Variants in SLC6A8 observed in about 807,000 individuals in gnomAD.
SLC6A8 encodes sodium- and chloride-dependent creatine transporter 1.
Under a neutral mutation model 48.3 loss-of-function variants are expected in SLC6A8, and 6 were observed. The observed-to-expected ratio is 0.12, with a 90% CI of 0.07 to 0.25. The LOEUF (loss-of-function observed/expected upper bound fraction) is 0.25. Among genes scored for constraint, SLC6A8 ranks in the 10% least tolerant of loss-of-function variants. The pLI, the probability that SLC6A8 is intolerant of heterozygous loss-of-function variation, is 1.00. For synonymous variants in SLC6A8, 245 were observed against 244.0 expected (o/e 1.00, Z -0.04); for missense variants, 260 against 551.5 (o/e 0.47, Z 5.29).
rs2091491685 is a variant in SLC6A8 at position 153,696,303 on chromosome X, C to G, written c.*1089C>G. On this transcript the variant is annotated 3_prime_UTR_variant, in exon 13 of 13. Coordinates refer to ENST00000253122, the MANE Select transcript of SLC6A8 (RefSeq NM_005629.4). ...ACCTGGCCTGCTCAGGCTTCCCACC[C>G]TGTGCGGGGCACACCCCCAGGAAGG... 3.1e-6 allele frequency: 1 copy of G among 323,816 alleles called. No homozygotes were observed. 26.7% of individuals were successfully genotyped at this position (323,816 alleles called of 1,213,427 possible).
chrX:153,692,399 C>T (rs1557044663), intron 4 of SLC6A8: 2 of 396,518 alleles, frequency 5.0e-6, no homozygotes, highest in African/African-American at 2.5e-5. Flanking sequence ...CTGGTCTGGC[C>T]ATCTGTTACC....
At chrX:153,692,942 C>T (rs782597143) in intron 4 of SLC6A8, 99 bp from the exon 5 acceptor site, 1 of 1,051,877 alleles carries the variant, frequency 9.5e-7, no homozygotes, top group African/African-American at 1.8e-5. Context: ...CAATGGGGAC[C>T]TCTGAACATA....
chrX:153,692,968 G>C (rs782406113), intron 4 of SLC6A8, 73 bp from the exon 5 acceptor site: 127 of 1,163,464 alleles, frequency 1.1e-4, no homozygotes, highest in Non-Finnish European at 1.4e-4. Context: ...CCGCAAGGGG[G>C]ACCGGAGGCG....
At chrX:153,693,622 C>T (rs782332974) in intron 7 of SLC6A8, 36 bp downstream of exon 7, 6 of 1,189,212 alleles carry the variant, frequency 5.0e-6, no homozygotes, top group South Asian at 3.5e-5. Flanking sequence ...TCCAGAGCAG[C>T]GAGTGCTACC....
Position 153,694,121 on chromosome X carries a change from T to C in SLC6A8, c.1255-9T>C. On this transcript the variant is annotated splice_polypyrimidine_tract_variant and intron_variant, in intron 8 of 12. Transcript: ENST00000253122. Reference sequence around the variant, plus strand: ...GTGCGGGGCTCGGCCTGAGCTGCCCTGGCCACAGTTTGTAGGTGTGGAGGG... The same window carrying C: ...GTGCGGGGCTCGGCCTGAGCTGCCCCGGCCACAGTTTGTAGGTGTGGAGGG... 1.7e-6 allele frequency: 2 copies of C among 1,210,438 alleles called. No individual in the cohort carries two copies. Among genetic ancestry groups the C allele is most frequent in the Non-Finnish European group, 2.2e-6 (2 of 894,558 alleles).
rs2091490091 is a variant in SLC6A8, at chrX:153,696,101, C to T, written c.*887C>T. On this transcript the variant is annotated 3_prime_UTR_variant, in exon 13 of 13. Transcript: ENST00000253122. ...CTAACTTTCATAGGCAAAACAAAAG[C>T]TTCGAGCTGTTGCGTGTGTGAGTCT... 1 of 193,697 alleles carries T rather than the reference C, an allele frequency of 5.2e-6. No homozygotes were observed. Among genetic ancestry groups the T allele is most frequent in the African/African-American group, 3.0e-5 (1 of 33,347 alleles). 16.0% of individuals were successfully genotyped at this position (193,697 alleles called of 1,213,427 possible). A position where few individuals can be genotyped will look rare whatever the true frequency, so the allele number is the denominator to read the frequency against.
chrX:153,690,797 C>T (rs1424514112), intron 2 of SLC6A8: 3 of 336,591 alleles, frequency 8.9e-6, no homozygotes, highest in Non-Finnish European at 1.6e-5. Flanking sequence ...CTGTTACTAT[C>T]CCCAAGGACG....
intron 2 of SLC6A8, 76 bp downstream of exon 2, chrX:153,690,582 C>T (rs1294116269): frequency 3.9e-5 from 42 of 1,068,500 alleles, no homozygotes; most frequent in African/African-American, 5.6e-5. Context: ...CTTTTCCTGT[C>T]GTGAGCACCA....
At chrX:153,694,687 G>A in intron 11 of SLC6A8, 32 bp from the exon 12 acceptor site, 2 of 1,209,193 alleles carry the variant, frequency 1.7e-6, no homozygotes, top group Non-Finnish European at 2.2e-6. Context: ...GCGGGGTAGG[G>A]GCCCCATTAA....
In SLC6A8 at chrX:153,695,175, C is replaced by T. The variant is rs782748657; in HGVS notation, c.1869C>T (p.Ser623=). ...VRGLTTLTPV[S]ESSKVVVVES... ...GCCTGACCACCCTGACCCCAGTGTCCGAGAGCAGCAAGGTCGTCGTGGTGG... is the reference window on the plus strand; with the variant it reads ...GCCTGACCACCCTGACCCCAGTGTCTGAGAGCAGCAAGGTCGTCGTGGTGG... The change falls in exon 13 of 13, where the codon TCC becomes TCT. Residue 623 remains serine (S), a synonymous_variant. Coordinates refer to ENST00000253122, the MANE Select transcript of SLC6A8 (RefSeq NM_005629.4). 53 of 1,191,776 alleles carry T rather than the reference C, an allele frequency of 4.4e-5. No individual in the cohort carries two copies. The highest frequency in any genetic ancestry group is 6.1e-5 in the East Asian group (2 of 32,832).
rs1557044404 is a variant in SLC6A8, at chrX:153,691,296, G to A, written c.395-8G>A. ...AGAATCTACATGGCAAGGACTTCCCGGCCCCAGGCCTGGGCTACGCCTCCA... is the reference window on the plus strand; with the variant it reads ...AGAATCTACATGGCAAGGACTTCCCAGCCCCAGGCCTGGGCTACGCCTCCA... On this transcript the variant is annotated splice_region_variant and splice_polypyrimidine_tract_variant and intron_variant, in intron 2 of 12. Transcript: ENST00000253122. 1 of 1,190,052 alleles carries A rather than the reference G, an allele frequency of 8.4e-7. No individual in the cohort carries two copies. Among genetic ancestry groups the A allele is most frequent in the African/African-American group, 1.7e-5 (1 of 57,269 alleles).
rs2091477642 is a variant in SLC6A8 at position 153,694,612 on chromosome X, C to T, written c.1575C>T (p.Phe525=). 8.6e-7 allele frequency: 1 copy of T among 1,166,683 alleles called. No homozygotes were observed. Among genetic ancestry groups the T allele is most frequent in the African/African-American group, 1.8e-5 (1 of 54,193 alleles). Residue 525 remains phenylalanine, a synonymous_variant, in exon 11 of 13, where the codon TTC becomes TTT. Coordinates refer to ENST00000253122, the MANE Select transcript of SLC6A8 (RefSeq NM_005629.4). The part of the protein sequence containing the change: ...PCPWMKWCWS[F]FTPLVCMGIF... Reference sequence around the variant, plus strand: ...CCTGGATGAAATGGTGCTGGTCCTTCTTCACCCCGCTGGTCTGCATGGTAA... The same window carrying T: ...CCTGGATGAAATGGTGCTGGTCCTTTTTCACCCCGCTGGTCTGCATGGTAA...
At chrX:153,689,890 C>T (rs1200006568) in intron 1 of SLC6A8, among the ~76,000 whole-genome samples, 3 of 112,542 alleles carry the variant, frequency 2.7e-5, no homozygotes, top group Non-Finnish European at 3.8e-5. Flanking sequence ...ACCCACCCAC[C>T]CTCTGCCTTA....
At chrX:153,693,769 C>A in intron 7 of SLC6A8, 136 bp from the exon 8 acceptor site, 1 of 783,643 alleles carries the variant, frequency 1.3e-6, no homozygotes, top group Non-Finnish European at 1.9e-6. Context: ...ACCTCCCAGC[C>A]CCTGCCGCAC....
At chrX:153,689,222 G>A (rs1157388096) in intron 1 of SLC6A8, among the ~76,000 whole-genome samples, 1 of 109,797 alleles carries the variant, frequency 9.1e-6, no homozygotes, top group Non-Finnish European at 1.9e-5. Flanking sequence ...CCCCACGTGT[G>A]CACACACACG....
At chrX:153,689,016 C>T (rs1349355191) in intron 1 of SLC6A8, 180 bp downstream of exon 1, 2 of 141,323 alleles carry the variant, frequency 1.4e-5, no homozygotes, top group Non-Finnish European at 2.7e-5. Context: ...CCTCCACCCC[C>T]CTCGCAGTCA....
chrX:153,690,743 C>T (rs2091450780), intron 2 of SLC6A8: 7 of 403,432 alleles, frequency 1.7e-5, no homozygotes, highest in Non-Finnish European at 2.6e-5. Context: ...GGGCTGGGGA[C>T]GGGACCTGCC....
intron 7 of SLC6A8, 81 bp from the exon 8 acceptor site, chrX:153,693,824 G>A (rs1318610882): frequency 3.8e-5 from 34 of 883,808 alleles, no homozygotes; most frequent in Admixed American, 1.3e-4. Flanking sequence ...GGGCATGGGC[G>A]CGAGTGTTGC....
rs1557044962 is a variant in SLC6A8, at chrX:153,693,101, G to T, written c.838G>T (p.Val280Leu). 3 of 1,210,903 alleles carry T rather than the reference G, an allele frequency of 2.5e-6. No individual in the cohort carries two copies. The highest frequency in any genetic ancestry group is 3.4e-6 in the Non-Finnish European group (3 of 894,955). ...VVLVVLLVRG[V>L]LLPGALDGII... ...CCTGGTCGTGCTGCTGGTGCGTGGA[G>T]TGCTGCTGCCTGGCGCCCTGGATGG... The change falls in exon 5 of 13, where the codon GTG becomes TTG. Residue 280 changes from valine to leucine, a missense_variant. Val to Leu is a conservative substitution (Grantham distance 32, BLOSUM62 1). Around this residue, in one of 7 missense-constraint regions of SLC6A8, gnomAD observed 75 missense variants for 248.8 expected, o/e 0.30. Transcript: ENST00000253122.
Sources: gnomAD v4.1 joint callset for allele counts (sites outside exome capture counted in the v4.1 genomes callset) on GRCh38, gnomAD v4.1.1 for gene constraint, gnomAD v4.1.1 regional missense constraint, MANE v1.5 for transcripts, NCBI Gene and HGNC (gene_info 2026-07-23, HGNC 2026-07-21) for gene names.